Variants in SORCS1 observed in about 807,000 individuals in gnomAD.
SORCS1 encodes VPS10 domain-containing receptor SorCS1.
In SORCS1, 60 loss-of-function variants were observed where a neutral mutation model predicts 146.1. The observed-to-expected ratio is 0.41, with a 90% CI of 0.33 to 0.51. The LOEUF (loss-of-function observed/expected upper bound fraction) is 0.51. SORCS1 is among the 20% of genes least tolerant of loss of function. The pLI is 0.21. For synonymous variants in SORCS1, 637 were observed against 584.0 expected (o/e 1.09, Z -1.31); for missense variants, 1,352 against 1,487.6 (o/e 0.91, Z 1.50).
rs1044122674 is a variant in SORCS1 at position 106,989,817 on chromosome 10, G to A, written c.559-33237C>T. On this transcript the variant is annotated intron_variant, in intron 1 of 25. Coordinates refer to ENST00000263054, the MANE Select transcript of SORCS1 (RefSeq NM_052918.5). Reference sequence around the variant, plus strand: ...TTCTCCCACCTCAGCCTCCCGAGTGGCTGGGACTACAGGCGCCCGCCACCA... The same window carrying A: ...TTCTCCCACCTCAGCCTCCCGAGTGACTGGGACTACAGGCGCCCGCCACCA... 8.6e-5 allele frequency among the ~76,000 whole-genome samples: 13 copies of A among 151,178 alleles called. 1 individual carries two copies. The highest frequency in any genetic ancestry group is 1.5e-4 in the Non-Finnish European group (10 of 67,920).
intron 1 of SORCS1, among the ~76,000 whole-genome samples, chr10:106,972,440 T>G (rs142403216): frequency 0.011 from 1,668 of 152,098 alleles, 17 homozygotes; most frequent in Non-Finnish European, 0.018. Flanking sequence ...CTAATTGACT[T>G]TATTTTTGAT....
intron 17 of SORCS1, among the ~76,000 whole-genome samples, chr10:106,666,085 C>G (rs1047563545): frequency 3.3e-5 from 5 of 152,148 alleles, no homozygotes; most frequent in African/African-American, 1.2e-4. Flanking sequence ...TGTGATCCGC[C>G]CACCTCACCC....
intron 2 of SORCS1, among the ~76,000 whole-genome samples, chr10:106,948,650 TC>T (rs1455571494): frequency 6.7e-6 from 1 of 150,280 alleles, no homozygotes; most frequent in Non-Finnish European, 1.5e-5. Context: ...AGACCCTGTT[TC>T]TTAAAAAAAA....
chr10:107,065,476 T>TC (rs1479249939), intron 1 of SORCS1, among the ~76,000 whole-genome samples: 978 of 72,642 alleles, frequency 0.013, 26 homozygotes, highest in African/African-American at 0.047. Context: ...CCCTCTCCTC[T>TC]CCTCTCCTCT....
chr10:107,087,334 G>A (rs1590105567), intron 1 of SORCS1, among the ~76,000 whole-genome samples: 3 of 152,110 alleles, frequency 2.0e-5, no homozygotes, highest in Admixed American at 2.0e-4. Flanking sequence ...GGCCAGTCCA[G>A]TCTTATTAAG....
chr10:107,180,713 G>T, the SORCS1 span, among the ~76,000 whole-genome samples: 1 of 152,148 alleles, frequency 6.6e-6, no homozygotes, highest in Non-Finnish European at 1.5e-5. Flanking sequence ...TGAGATAAGA[G>T]TTTAGATTTT....
intron 2 of SORCS1, among the ~76,000 whole-genome samples, chr10:106,935,345 T>A (rs1165954939): frequency 6.6e-6 from 1 of 152,198 alleles, no homozygotes; most frequent in African/African-American, 2.4e-5. Flanking sequence ...CAAAGAGATA[T>A]GGAAACTTGG....
chr10:106,919,174 C>G (rs1041135611), intron 2 of SORCS1, among the ~76,000 whole-genome samples: 1 of 152,138 alleles, frequency 6.6e-6, no homozygotes, highest in Non-Finnish European at 1.5e-5. Flanking sequence ...ACAGTACAGA[C>G]CACTTAAATA....
chr10:106,734,517 G>A (rs926300370), intron 5 of SORCS1, among the ~76,000 whole-genome samples: 3 of 152,122 alleles, frequency 2.0e-5, no homozygotes, highest in Admixed American at 6.5e-5. Context: ...CTGTACCTCT[G>A]TGCCAGGCAC....
At chr10:106,640,958 A>G (rs556756998) in intron 18 of SORCS1, among the ~76,000 whole-genome samples, 2 of 152,280 alleles carry the variant, frequency 1.3e-5, no homozygotes, top group South Asian at 2.1e-4. Context: ...GGCCATAATG[A>G]TGCATAAATG....
intron 1 of SORCS1, among the ~76,000 whole-genome samples, chr10:107,134,489 A>G (rs1488089367): frequency 6.6e-6 from 1 of 152,114 alleles, no homozygotes; most frequent in Non-Finnish European, 1.5e-5. Flanking sequence ...ATACAAAAAA[A>G]TTATCTGGAC....
At chr10:106,810,886 A>AC (rs778003602) in intron 3 of SORCS1, among the ~76,000 whole-genome samples, 18 of 152,144 alleles carry the variant, frequency 1.2e-4, no homozygotes, top group Non-Finnish European at 1.9e-4. Context: ...TCTAGGAGAG[A>AC]AATCATGAGG....
At chr10:107,168,243 C>T (rs1192772212), upstream of SORCS1, among the ~76,000 whole-genome samples, 1 of 152,154 alleles carries the variant, frequency 6.6e-6, no homozygotes, top group Non-Finnish European at 1.5e-5. Context: ...TGGCTGACTC[C>T]TCTTTTTTGA....
At chr10:106,965,271 C>T (rs533004267) in intron 1 of SORCS1, among the ~76,000 whole-genome samples, 1 of 152,028 alleles carries the variant, frequency 6.6e-6, no homozygotes, top group African/African-American at 2.4e-5. Flanking sequence ...TTTTTTCTAC[C>T]TAGGGAAGAA....
chr10:106,755,471 C>T (rs1858564036), intron 5 of SORCS1, among the ~76,000 whole-genome samples: 1 of 152,136 alleles, frequency 6.6e-6, no homozygotes, highest in Non-Finnish European at 1.5e-5. Flanking sequence ...AATGTAGTTA[C>T]TCAACAAATA....
At chr10:106,829,493 T>C (rs535164034) in intron 3 of SORCS1, 81 bp downstream of exon 3, 19 of 931,702 alleles carry the variant, frequency 2.0e-5, no homozygotes, top group East Asian at 2.0e-4. Context: ...TGTAATGGAT[T>C]TTTAGGTAGC....
chr10:106,887,068 C>T (rs769784534), intron 2 of SORCS1, among the ~76,000 whole-genome samples: 1 of 152,150 alleles, frequency 6.6e-6, no homozygotes, highest in Non-Finnish European at 1.5e-5. Flanking sequence ...CCAACAGATT[C>T]ATAAACACCA....
chr10:106,957,165 G>GTTTTTTTTTTTTTTTTTTTTTTT (rs374081494), intron 1 of SORCS1, among the ~76,000 whole-genome samples: 1 of 138,038 alleles, frequency 7.2e-6, no homozygotes, highest in Non-Finnish European at 1.5e-5. Flanking sequence ...GTTTTTTTTT[G>GTTTTTTTTTTTTTTTTTTTTTTT]TTTTTTTTGT....
chr10:106,688,291 G>C lies in SORCS1; in HGVS notation c.1461C>G (p.Asn487Lys). The C allele has an allele frequency of 1.9e-6, 3 of 1,613,938 alleles. No homozygotes were observed. Among genetic ancestry groups the C allele is most frequent in the Non-Finnish European group, 2.5e-6 (3 of 1,179,892 alleles). ...TATATGTGATGAAAGTCTTCACTTG[G>C]TTGTCAATCTTCTTGTTAGCCAAGA... ...GMFLANKKIDNQVKTFITYNK... is the reference protein window; with the variant it reads ...GMFLANKKIDKQVKTFITYNK... Residue 487 changes from asparagine (N) to lysine (K), a missense_variant, in exon 10 of 26, where the codon AAC becomes AAG. Asn to Lys is a moderately conservative substitution (Grantham distance 94, BLOSUM62 0). This residue lies in a region of SORCS1 where 648 missense variants were observed against 793.8 expected (regional missense o/e 0.82). Transcript: ENST00000263054.
Sources: allele counts gnomAD v4.1 joint callset (sites outside exome capture counted in the v4.1 genomes callset), GRCh38; gene constraint gnomAD v4.1.1; regional missense constraint gnomAD v4.1.1; transcripts MANE v1.5; gene names NCBI Gene and HGNC (gene_info 2026-07-23, HGNC 2026-07-21).